DAB1: variants seen among roughly 807,000 people sequenced by gnomAD.
DAB1 encodes DAB adaptor protein 1.
A neutral mutation model predicts 64.6 loss-of-function variants in DAB1; 15 were observed. That is an observed-to-expected ratio of 0.23 (90% CI 0.16 to 0.36). DAB1 has a LOEUF of 0.36. Among genes scored for constraint, DAB1 ranks in the 10% least tolerant of loss-of-function variants. DAB1 has a pLI of 1.00. For synonymous variants in DAB1, 235 were observed against 251.9 expected, an observed-to-expected ratio of 0.93 and a Z score of 0.64; for missense variants, 596 against 706.7, an observed-to-expected ratio of 0.84 and a Z score of 1.78.
intron 6 of DAB1, among the ~76,000 whole-genome samples, chr1:57,788,926 T>G (rs1364171877): frequency 6.6e-6 from 1 of 152,172 alleles, no homozygotes; most frequent in African/African-American, 2.4e-5. Flanking sequence ...CCTTAGGACT[T>G]ATTTCAAAGC....
At chr1:58,434,373 A>G (rs1644918380) in intron 3 of DAB1, among the ~76,000 whole-genome samples, 1 of 151,450 alleles carries the variant, frequency 6.6e-6, no homozygotes, top group South Asian at 2.1e-4. Flanking sequence ...TAGAGCCAAC[A>G]GGATTTCCTG....
intron 4 of DAB1, among the ~76,000 whole-genome samples, chr1:57,078,031 A>C (rs529810205): frequency 6.6e-6 from 1 of 152,346 alleles, no homozygotes; most frequent in Admixed American, 6.5e-5. Flanking sequence ...CTCACAAGAC[A>C]AAGGGAGGCC....
chr1:57,380,275 G>A (rs1200210583), intron 1 of DAB1, among the ~76,000 whole-genome samples: 6 of 152,126 alleles, frequency 3.9e-5, no homozygotes, highest in Non-Finnish European at 8.8e-5. Flanking sequence ...CTATTTCCTG[G>A]AGGCTGCCAT....
chr1:58,236,444 T>G (rs1373124093), intron 4 of DAB1, among the ~76,000 whole-genome samples: 1 of 152,120 alleles, frequency 6.6e-6, no homozygotes, highest in African/African-American at 2.4e-5. Context: ...ACCCGCTTAC[T>G]TAAGATACTC....
chr1:58,234,674 T>G (rs1226352727), intron 4 of DAB1, among the ~76,000 whole-genome samples: 1 of 152,134 alleles, frequency 6.6e-6, no homozygotes, highest in Admixed American at 6.5e-5. Context: ...TCCCAGGATA[T>G]CAAAGGCTCA....
At chr1:58,032,142 C>G (rs1646981352) in intron 5 of DAB1, among the ~76,000 whole-genome samples, 1 of 151,950 alleles carries the variant, frequency 6.6e-6, no homozygotes, top group Non-Finnish European at 1.5e-5. Context: ...TCCAGCCAGA[C>G]CCTAGTGCTA....
chr1:57,856,994 A>T (rs1653785298), intron 1 of DAB1, among the ~76,000 whole-genome samples: 1 of 152,186 alleles, frequency 6.6e-6, no homozygotes, highest in Non-Finnish European at 1.5e-5. Flanking sequence ...TGACCTGTGC[A>T]GATATCTGAT....
chr1:57,429,899 T>C (rs939902990), intron 7 of DAB1, among the ~76,000 whole-genome samples: 2 of 152,204 alleles, frequency 1.3e-5, no homozygotes, highest in African/African-American at 2.4e-5. Context: ...TGCTTTATAA[T>C]ATACTTTGAA....
At chr1:57,116,352 C>G (rs1656108077) in intron 4 of DAB1, among the ~76,000 whole-genome samples, 1 of 150,066 alleles carries the variant, frequency 6.7e-6, no homozygotes, top group Non-Finnish European at 1.5e-5. Flanking sequence ...ATCCCAGCTA[C>G]TCAGCAGGCT....
At chr1:57,652,047 G>A (rs1646262703) in intron 6 of DAB1, among the ~76,000 whole-genome samples, 2 of 152,146 alleles carry the variant, frequency 1.3e-5, no homozygotes, top group Non-Finnish European at 2.9e-5. Context: ...TAAAGCTAAT[G>A]AGAAACCAGA....
At chr1:58,064,961 C>T (rs1471635896) in intron 5 of DAB1, among the ~76,000 whole-genome samples, 2 of 152,184 alleles carry the variant, frequency 1.3e-5, no homozygotes, top group Non-Finnish European at 2.9e-5. Flanking sequence ...CCGCCCACCT[C>T]GGCCTCCCAA....
intron 7 of DAB1, among the ~76,000 whole-genome samples, chr1:57,475,703 C>A (rs1172299646): frequency 6.6e-6 from 1 of 152,200 alleles, no homozygotes; most frequent in Non-Finnish European, 1.5e-5. Context: ...TGACTGGCTC[C>A]TAAGTCCAGG....
intron 6 of DAB1, among the ~76,000 whole-genome samples, chr1:57,705,927 G>T (rs1646961645): frequency 6.8e-6 from 1 of 146,730 alleles, no homozygotes; most frequent in Admixed American, 6.8e-5. Context: ...TTAGTCACAT[G>T]CTTAGTAATA....
At chr1:57,008,982 A>G (rs1646181085) in intron 14 of DAB1, among the ~76,000 whole-genome samples, 1 of 152,240 alleles carries the variant, frequency 6.6e-6, no homozygotes, top group Non-Finnish European at 1.5e-5. Context: ...AATGTGGAAC[A>G]GACCAAAGCC....
chr1:57,741,498 C>A (rs1160734697), intron 6 of DAB1, among the ~76,000 whole-genome samples: 1 of 152,192 alleles, frequency 6.6e-6, no homozygotes, highest in Non-Finnish European at 1.5e-5. Context: ...AGCCACTATA[C>A]CATACTGCCT....
At chr1:57,145,192 A>G in intron 3 of DAB1, 98 bp downstream of exon 3, 1 of 1,237,400 alleles carries the variant, frequency 8.1e-7, no homozygotes, top group Non-Finnish European at 1.1e-6. Context: ...TAATTTACCA[A>G]TAAATGAATA....
intron 4 of DAB1, among the ~76,000 whole-genome samples, chr1:58,321,517 C>A (rs1008134214): frequency 1.6e-4 from 25 of 152,340 alleles, no homozygotes; most frequent in African/African-American, 6.0e-4. Context: ...CCAAGGGAAG[C>A]CATGACAAAC....
At chr1:57,102,022 T>C (rs1218577728) in intron 4 of DAB1, among the ~76,000 whole-genome samples, 1 of 152,174 alleles carries the variant, frequency 6.6e-6, no homozygotes, top group Non-Finnish European at 1.5e-5. Flanking sequence ...CTATGCCACA[T>C]CACCTACTAT....
chr1:57,949,120 T>C (rs1645227886), intron 5 of DAB1, among the ~76,000 whole-genome samples: 1 of 152,064 alleles, frequency 6.6e-6, no homozygotes, highest in Admixed American at 6.6e-5. Context: ...GTCCCCAACC[T>C]TTTTGGCACC....
Sources: allele counts gnomAD v4.1 joint callset (sites outside exome capture counted in the v4.1 genomes callset), GRCh38; gene constraint gnomAD v4.1.1; transcripts MANE v1.5; gene names NCBI Gene and HGNC (gene_info 2026-07-23, HGNC 2026-07-21).